The following PRMT8 variants were observed in gnomAD, a reference collection of about 807,000 sequenced individuals.
The protein encoded by PRMT8 is protein arginine methyltransferase 8.
A neutral mutation model predicts 47.1 loss-of-function variants in PRMT8; 7 were observed. The ratio of observed to expected loss-of-function variants is 0.15; its 90% CI spans 0.08 to 0.28. The LOEUF (loss-of-function observed/expected upper bound fraction) is 0.28. Ranked by LOEUF, PRMT8 falls within the 10% of genes least tolerant of loss-of-function variation. The pLI is 1.00. For synonymous variants in PRMT8, 188 were observed against 186.5 expected (o/e 1.01, Z -0.07); for missense variants, 237 against 505.4 (o/e 0.47, Z 5.09).
intron 1 of PRMT8, among the ~76,000 whole-genome samples, chr12:3,385,917 GTCCA>G (rs35259475): frequency 0.015 from 2,218 of 151,218 alleles, 42 homozygotes; most frequent in African/African-American, 0.049. Flanking sequence ...TTGTTCATCC[GTCCA>G]TCCATCCATC....
intron 1 of PRMT8, among the ~76,000 whole-genome samples, chr12:3,506,426 C>G (rs1865625375): frequency 6.6e-6 from 1 of 152,114 alleles, no homozygotes; most frequent in Admixed American, 6.6e-5. Flanking sequence ...GGGAAGGCAC[C>G]TTTGATTCAG....
chr12:3,454,895 G>C (rs780508698), intron 1 of PRMT8, among the ~76,000 whole-genome samples: 1 of 152,110 alleles, frequency 6.6e-6, no homozygotes, highest in Non-Finnish European at 1.5e-5. Context: ...AGTCCTTCAG[G>C]TCCTACATAC....
upstream of PRMT8, among the ~76,000 whole-genome samples, chr12:3,486,251 A>G (rs1277160350): frequency 6.6e-5 from 10 of 152,162 alleles, no homozygotes; most frequent in African/African-American, 2.2e-4. Context: ...TACTTCTTGC[A>G]GGGCCTACCT....
chr12:3,453,735 C>T lies in PRMT8; in HGVS notation c.48+72293C>T, dbSNP rs1864945097. 6.6e-6 allele frequency among the ~76,000 whole-genome samples: 1 copy of T among 152,292 alleles called. No homozygotes were observed. Among genetic ancestry groups the T allele is most frequent in the South Asian group, 2.1e-4 (1 of 4,830 alleles). On this transcript the variant is annotated intron_variant, in intron 1 of 9. Coordinates refer to the PRMT8 transcript ENST00000452611. The surrounding 1 kb of genome is among the most constrained non-coding windows in gnomAD (Gnocchi z 4.9). ...TGTTCTGCCCACACATCTCCTGCGG[C>T]ACCCTGTGGTCTGTGTCCTGACGTG...
chr12:3,409,980 T>A lies in PRMT8; in HGVS notation c.48+28538T>A, dbSNP rs1433744503. Among the ~76,000 whole-genome samples, 2 of 152,258 alleles carry A rather than the reference T, an allele frequency of 1.3e-5. No individual in the cohort carries two copies. The highest frequency in any genetic ancestry group is 3.8e-4 in the East Asian group (2 of 5,200). ...CTGGGAGGCGTGGATGGAGTGGCTC[T>A]GGCCCTCTGGCAGCCTGTTACCTCT... On this transcript the variant is annotated intron_variant, in intron 1 of 9. Transcript: ENST00000452611. The surrounding 1 kb of genome is among the most constrained non-coding windows in gnomAD (Gnocchi z 4.4).
Position 3,492,628 on chromosome 12 carries a change from C to G in PRMT8, c.75+928C>G, listed in dbSNP as rs945334191. Among the ~76,000 whole-genome samples, 1 of 152,210 alleles carries G rather than the reference C, an allele frequency of 6.6e-6. No individual in the cohort carries two copies. Among genetic ancestry groups the G allele is most frequent in the African/African-American group, 2.4e-5 (1 of 41,458 alleles). On this transcript the variant is annotated intron_variant, in intron 1 of 9. Transcript: ENST00000382622. The surrounding 1 kb of genome is among the most constrained non-coding windows in gnomAD (Gnocchi z 7.5). ...GCGTCCCGAGACTCGAGGCTGTGAT[C>G]CCTCGCCTCCCTCTGACCCCGCTGT...
chr12:3,458,026 A>G (rs1864995404), intron 1 of PRMT8, among the ~76,000 whole-genome samples: 1 of 152,010 alleles, frequency 6.6e-6, no homozygotes, highest in African/African-American at 2.4e-5. Flanking sequence ...TATTTTTAGT[A>G]GAGACGGGGT....
chr12:3,456,519 G>A lies in PRMT8; in HGVS notation c.48+75077G>A, dbSNP rs1027100107. On this transcript the variant is annotated intron_variant, in intron 1 of 9. Transcript: ENST00000452611. This position sits in a 1 kb window ranked among gnomAD's most constrained non-coding sequence, Gnocchi z 4.2. ...CCCACGAGCACACATTCGGCATCAC[G>A]AGCGATCTGTTGTGCAGCCCGATCA... is the stretch of plus-strand genomic sequence containing the variant. Among the ~76,000 whole-genome samples, 1 of 152,096 alleles carries A rather than the reference G, an allele frequency of 6.6e-6. No homozygotes were observed. The highest frequency in any genetic ancestry group is 2.4e-5 in the African/African-American group (1 of 41,390).
At position 3,403,907 on chromosome 12, in the gene PRMT8, A is replaced by G. The variant is rs112817041; in HGVS notation, c.48+22465A>G. 4.3e-3 allele frequency among the ~76,000 whole-genome samples: 646 copies of G among 150,752 alleles called. 6 individuals are homozygous for G. Among genetic ancestry groups the G allele is most frequent in the African/African-American group, 0.014 (574 of 40,614 alleles). On this transcript the variant is annotated intron_variant, in intron 1 of 9. Transcript: ENST00000452611. ...AAAAAAAAAAAAAAAAAGAGAGAGA[A>G]AAAATGCTGTCTTTAAAAATTGCTA...
chr12:3,451,815 C>G (rs1480695573), intron 1 of PRMT8, among the ~76,000 whole-genome samples: 1 of 152,206 alleles, frequency 6.6e-6, no homozygotes, highest in Non-Finnish European at 1.5e-5. Flanking sequence ...ACTGGAGTGT[C>G]TTGACGTTGC....
chr12:3,434,212 G>A (rs1001654374), intron 1 of PRMT8, among the ~76,000 whole-genome samples: 1 of 152,146 alleles, frequency 6.6e-6, no homozygotes, highest in African/African-American at 2.4e-5. Flanking sequence ...TGAGAAATCC[G>A]GGGTAAGGTA....
intron 1 of PRMT8, among the ~76,000 whole-genome samples, chr12:3,461,119 A>G (rs1488944849): frequency 6.6e-6 from 1 of 152,186 alleles, no homozygotes; most frequent in Admixed American, 6.5e-5. Context: ...AGCATTTCTT[A>G]GATACCTCCT....
At chr12:3,591,215 G>A (rs1305015417) in intron 8 of PRMT8, among the ~76,000 whole-genome samples, 1 of 152,022 alleles carries the variant, frequency 6.6e-6, no homozygotes, top group East Asian at 1.9e-4. Flanking sequence ...TATGGGGGAG[G>A]CGCAAGTACC....
chr12:3,486,978 A>T (rs1865329041), upstream of PRMT8, among the ~76,000 whole-genome samples: 1 of 152,206 alleles, frequency 6.6e-6, no homozygotes, highest in South Asian at 2.1e-4. Flanking sequence ...ATGCAGTTTA[A>T]AAATATTGGG....
rs1865453160 is a variant in PRMT8, at chr12:3,493,317, T to G, written c.75+1617T>G. Among the ~76,000 whole-genome samples, 1 of 151,894 alleles carries G rather than the reference T, an allele frequency of 6.6e-6. No individual in the cohort carries two copies. Among genetic ancestry groups the G allele is most frequent in the Non-Finnish European group, 1.5e-5 (1 of 67,970 alleles). On this transcript the variant is annotated intron_variant, in intron 1 of 9. Coordinates refer to ENST00000382622, the MANE Select transcript of PRMT8 (RefSeq NM_019854.5). The surrounding 1 kb of genome is among the most constrained non-coding windows in gnomAD (Gnocchi z 8.2). The stretch of plus-strand genomic sequence containing the variant: ...GCCATCCTTACCATTCCCCTCACCC[T>G]CCGCCCTCTGATCGCCCACCCGCCG...
Position 3,540,728 on chromosome 12 carries a change from C to A in PRMT8, c.198C>A (p.Asn66Lys). ...GGGGCAAGATGTCCAAGCTGCTGAA[C>A]CCAGAGGAGATGACCTCGAGAGATT... ...PGRGKMSKLL[N>K]PEEMTSRDYY... Residue 66 changes from asparagine (N) to lysine (K), a missense_variant, in exon 2 of 10, where the codon AAC (asparagine) becomes AAA (lysine). By Grantham distance (94) the Asn-to-Lys change is moderately conservative. This residue lies in a region of PRMT8 where 32 missense variants were observed against 73.7 expected (regional missense o/e 0.43). Transcript: ENST00000382622. 1.3e-6 allele frequency: 2 copies of A among 1,599,442 alleles called. No homozygotes were observed. Among genetic ancestry groups the A allele is most frequent in the Non-Finnish European group, 1.7e-6 (2 of 1,170,700 alleles).
chr12:3,456,401 C>G lies in PRMT8; in HGVS notation c.48+74959C>G, dbSNP rs1428567534. Among the ~76,000 whole-genome samples the G allele has an allele frequency of 6.6e-6, 1 of 152,150 alleles. No individual in the cohort carries two copies. Among genetic ancestry groups the G allele is most frequent in the Non-Finnish European group, 1.5e-5 (1 of 68,036 alleles). The stretch of plus-strand genomic sequence containing the variant: ...GGGAAAAACCCTAGCACCCACATAT[C>G]CATCACCCACACTGTTTTCGACAGA... On this transcript the variant is annotated intron_variant, in intron 1 of 9. Transcript: ENST00000452611. This position sits in a 1 kb window ranked among gnomAD's most constrained non-coding sequence, Gnocchi z 4.2.
chr12:3,593,080 C>T lies in PRMT8; in HGVS notation c.1102-19C>T. On this transcript the variant is annotated intron_variant, in intron 9 of 9. Transcript: ENST00000382622. The surrounding 1 kb of genome is among the most constrained non-coding windows in gnomAD (Gnocchi z 4.8). ...ACCCAGACGGCCGCCTGACCCTTCG[C>T]TCTCTCTCTGCCTTGCAGCGAGACC... is the stretch of plus-strand genomic sequence containing the variant. The T allele has an allele frequency of 1.2e-6, 2 of 1,607,616 alleles. No homozygotes were observed. Among genetic ancestry groups the T allele is most frequent in the Non-Finnish European group, 1.7e-6 (2 of 1,174,666 alleles).
At chr12:3,497,398 G>A (rs569337183) in intron 1 of PRMT8, among the ~76,000 whole-genome samples, 1 of 152,142 alleles carries the variant, frequency 6.6e-6, no homozygotes. Context: ...CAAACTCCTC[G>A]AGTGTCTCAG....
Sources: gnomAD v4.1 joint callset for allele counts (sites outside exome capture counted in the v4.1 genomes callset) on GRCh38, gnomAD v4.1.1 for gene constraint, gnomAD v4.1.1 regional missense constraint, Gnocchi (gnomAD v3.1) non-coding constraint, MANE v1.5 for transcripts, NCBI Gene and HGNC (gene_info 2026-07-23, HGNC 2026-07-21) for gene names.